The following MGAM2 variants were observed in gnomAD, a reference collection of about 807,000 sequenced individuals.
The protein encoded by MGAM2 is maltase-glucoamylase 2 (putative).
MGAM2 carries 98 observed loss-of-function variants against 96.1 expected under a neutral mutation model. That is an observed-to-expected ratio of 1.02 (90% CI 0.87 to 1.21). MGAM2 has a LOEUF of 1.21. Among genes scored for constraint, MGAM2 ranks in the 50% most tolerant of loss-of-function variants. The pLI is 0.00. For synonymous variants in MGAM2, 749 were observed against 414.8 expected (o/e 1.81, Z -9.79); for missense variants, 2,055 against 1,182.4 (o/e 1.74, Z -10.82).
At chr7:142,178,382 T>C (rs575558533) in intron 32 of MGAM2, among the ~76,000 whole-genome samples, 1 of 152,332 alleles carries the variant, frequency 6.6e-6, no homozygotes, top group African/African-American at 2.4e-5. Flanking sequence ...TTGTCAATTT[T>C]TGGTTTCATT....
At chr7:142,205,493 T>G (rs557629647) in intron 45 of MGAM2, among the ~76,000 whole-genome samples, 10 of 152,104 alleles carry the variant, frequency 6.6e-5, no homozygotes, top group African/African-American at 2.4e-4. Context: ...TTTTTAATTA[T>G]GATCATTCCA....
At chr7:142,140,104 T>C (rs1795176064) in intron 10 of MGAM2, among the ~76,000 whole-genome samples, 1 of 152,138 alleles carries the variant, frequency 6.6e-6, no homozygotes, top group African/African-American at 2.4e-5. Context: ...AACACTTCCT[T>C]TGTCTTTGAG....
At chr7:142,185,014 A>G in intron 33 of MGAM2, 63 bp from the exon 34 acceptor site, 1 of 689,262 alleles carries the variant, frequency 1.5e-6, no homozygotes. Flanking sequence ...CTAACACATG[A>G]AATATCTCAT....
In MGAM2 at chr7:142,173,255, A is replaced by T. The variant is rs776535846; in HGVS notation, c.3588A>T (p.Pro1196=). 2 of 703,180 alleles carry T rather than the reference A, an allele frequency of 2.8e-6. No homozygotes were observed. Among genetic ancestry groups the T allele is most frequent in the South Asian group, 3.0e-5 (2 of 67,600 alleles). The allele number at this position is 703,180 out of a possible 1,614,324, so 43.6% of individuals were successfully genotyped here. The change falls in exon 31 of 48, where the codon CCA becomes CCT. Residue 1196 remains proline (P), a synonymous_variant. Transcript: ENST00000477922. The part of the protein sequence containing the change: ...TELIGRPAMI[P]YWALGFHLSR... ...TGATTGGTCGGCCAGCAATGATTCC[A>T]TACTGGGCCTTGGGATTCCATCTGA... is the stretch of plus-strand genomic sequence containing the variant.
At chr7:142,181,564 C>T (rs1461163757) in intron 32 of MGAM2, among the ~76,000 whole-genome samples, 1 of 152,168 alleles carries the variant, frequency 6.6e-6, no homozygotes, top group Non-Finnish European at 1.5e-5. Flanking sequence ...GAGGGAGCCT[C>T]CTCTAATCAC....
rs1246474072 is a variant in MGAM2, at chr7:142,161,956, T to C, written c.2436T>C (p.Asp812=). The part of the protein sequence containing the change: ...ELYWDDGVSK[D]AVTEKKYILY... ...CCGGTACTCCTCTTTCTTTTTTAGA[T>C]GCTGTGACTGAAAAGAAGTATATTC... The change falls in exon 23 of 48, where the codon GAT becomes GAC. Residue 812 remains aspartate (D), a splice_region_variant and synonymous_variant. Coordinates refer to ENST00000477922, the MANE Select transcript of MGAM2 (RefSeq NM_001293626.2). 2 of 696,412 alleles carry C rather than the reference T, an allele frequency of 2.9e-6. No homozygotes were observed. Among genetic ancestry groups the C allele is most frequent in the South Asian group, 3.0e-5 (2 of 65,844 alleles). 43.1% of individuals were successfully genotyped at this position (696,412 alleles called of 1,614,324 possible).
chr7:142,166,291 A>G, intron 25 of MGAM2, 38 bp downstream of exon 25: 1 of 667,394 alleles, frequency 1.5e-6, no homozygotes, highest in East Asian at 2.8e-5. Flanking sequence ...TTGATTAGGA[A>G]GTAATTAGGC....
At chr7:142,142,417 A>G (rs1028357142) in intron 12 of MGAM2, among the ~76,000 whole-genome samples, 2 of 152,186 alleles carry the variant, frequency 1.3e-5, no homozygotes, top group African/African-American at 4.8e-5. Flanking sequence ...GCATATAATT[A>G]CAAATAATGA....
intron 3 of MGAM2, among the ~76,000 whole-genome samples, chr7:142,123,981 T>A (rs2129075146): frequency 6.9e-6 from 1 of 144,980 alleles, no homozygotes; most frequent in Non-Finnish European, 1.5e-5. Flanking sequence ...TTTTTTTTTT[T>A]TTTTTTTTTG....
chr7:142,161,127 G>A lies in MGAM2; in HGVS notation c.2348G>A (p.Arg783Gln), dbSNP rs1229672108. 6 of 702,184 alleles carry A rather than the reference G, an allele frequency of 8.5e-6. No homozygotes were observed. Among genetic ancestry groups the A allele is most frequent in the African/African-American group, 1.7e-5 (1 of 57,204 alleles). The allele number at this position is 702,184 out of a possible 1,614,324, so 43.5% of individuals were successfully genotyped here. Reference protein sequence around the residue: ...QKPNTTTEASRRNSLGLIIAL... With the variant: ...QKPNTTTEASQRNSLGLIIAL... ...AACTGGGAAGTACTCTTTTACAGCC[G>A]GAGGAATTCCCTGGGACTCATCATC... The change falls in exon 22 of 48, where the codon CGG becomes CAG. Residue 783 changes from arginine (R) to glutamine (Q), a missense_variant and splice_region_variant. By Grantham distance (43) the Arg-to-Gln change is conservative. Coordinates refer to ENST00000477922, the MANE Select transcript of MGAM2 (RefSeq NM_001293626.2).
rs1160008889 is a variant in MGAM2 at position 142,170,125 on chromosome 7, C to A, written c.3078C>A (p.Thr1026=). 1 of 702,870 alleles carries A rather than the reference C, an allele frequency of 1.4e-6. No homozygotes were observed. The highest frequency in any genetic ancestry group is 2.6e-6 in the Non-Finnish European group (1 of 384,958). The allele number at this position is 702,870 out of a possible 1,614,324, so 43.5% of individuals were successfully genotyped here. Residue 1026 remains threonine (T), a synonymous_variant, in exon 27 of 48, where the codon ACC becomes ACA. Coordinates refer to ENST00000477922, the MANE Select transcript of MGAM2 (RefSeq NM_001293626.2). ...KRYEVPVPLN[T]PPQPVGDPEN... ...ATGAGGTTCCAGTACCACTGAACAC[C>A]CCTCCCCAACCAGTTGGTGACCCTG...
intron 10 of MGAM2, 106 bp downstream of exon 10, chr7:142,138,773 TAGAC>T (rs779685573): frequency 4.9e-5 from 30 of 612,450 alleles, no homozygotes; most frequent in East Asian, 2.2e-4. Context: ...ATTAGATTGA[TAGAC>T]AGGCACACTT....
At position 142,161,288 on chromosome 7, in the gene MGAM2, A is replaced by G. The variant is rs926232802; in HGVS notation, c.2434+75A>G. The G allele has an allele frequency of 2.5e-5, 17 of 681,650 alleles. No individual in the cohort carries two copies. The East Asian group carries it at 3.8e-4, about 15-fold the overall frequency. The allele number at this position is 681,650 out of a possible 1,614,324, so 42.2% of individuals were successfully genotyped here. On this transcript the variant is annotated intron_variant, in intron 22 of 47. Coordinates refer to ENST00000477922, the MANE Select transcript of MGAM2 (RefSeq NM_001293626.2). The stretch of plus-strand genomic sequence containing the variant: ...AAAATTAGTCATCATAGGCTGCCCA[A>G]TATGGCACTAACCCTATTAGCACTG...
rs1333793203 is a variant in MGAM2 at position 142,157,790 on chromosome 7, A to G, written c.1924-147A>G. ...TTTCTCATGTATAAAATGAAGGAGT[A>G]GGATTAGTATCTTTTCAGTTCTAGA... On this transcript the variant is annotated intron_variant, in intron 17 of 47. Coordinates refer to ENST00000477922, the MANE Select transcript of MGAM2 (RefSeq NM_001293626.2). 1.2e-5 allele frequency: 7 copies of G among 605,286 alleles called. No homozygotes were observed. In the Admixed American group the frequency reaches 1.5e-4, roughly 13 times the overall value. The allele number at this position is 605,286 out of a possible 1,614,324, so 37.5% of individuals were successfully genotyped here.
chr7:142,147,412 A>G (rs140171177), intron 14 of MGAM2, 44 bp from the exon 15 acceptor site: 23 of 676,804 alleles, frequency 3.4e-5, no homozygotes, highest in Non-Finnish European at 5.9e-5. Flanking sequence ...TTTGTTAAAG[A>G]TGGTTAATGA....
chr7:142,145,758 G>GA (rs139188772), intron 14 of MGAM2, among the ~76,000 whole-genome samples: 8,106 of 152,212 alleles, frequency 0.053, 289 homozygotes, highest in East Asian at 0.15. Context: ...GTGAGGGAGA[G>GA]AGAGGGTGGA....
At chr7:142,166,390 A>G (rs575858531) in intron 25 of MGAM2, 137 bp downstream of exon 25, 1 of 531,510 alleles carries the variant, frequency 1.9e-6, no homozygotes, top group East Asian at 3.0e-5. Flanking sequence ...ATGATAGGTC[A>G]TCAGTATTTT....
chr7:142,155,259 C>T (rs548182147), intron 17 of MGAM2, among the ~76,000 whole-genome samples: 1 of 152,284 alleles, frequency 6.6e-6, no homozygotes, highest in South Asian at 2.1e-4. Flanking sequence ...TTTCTTTCCC[C>T]TTGTTACAAC....
At chr7:142,180,797 T>G (rs2129094036) in intron 32 of MGAM2, among the ~76,000 whole-genome samples, 1 of 152,342 alleles carries the variant, frequency 6.6e-6, no homozygotes, top group East Asian at 1.9e-4. Context: ...GTCTTTGAGT[T>G]CTGAGATTCT....
Sources: allele counts gnomAD v4.1 joint callset (sites outside exome capture counted in the v4.1 genomes callset), GRCh38; gene constraint gnomAD v4.1.1; transcripts MANE v1.5; gene names NCBI Gene and HGNC (gene_info 2026-07-23, HGNC 2026-07-21).